The following DAPK1 variants were observed in gnomAD, a reference collection of about 807,000 sequenced individuals.
The protein encoded by DAPK1 is death associated protein kinase 1, also known as death-associated protein kinase 1.
A neutral mutation model predicts 144.9 loss-of-function variants in DAPK1; 56 were observed. The observed-to-expected ratio is 0.39, with a 90% CI of 0.31 to 0.48. The LOEUF (loss-of-function observed/expected upper bound fraction) is 0.48, where lower values mean the gene tolerates loss of function less well. Ranked by LOEUF, DAPK1 falls within the 20% of genes least tolerant of loss-of-function variation. DAPK1 has a pLI of 0.95. For missense variants in DAPK1, 1,454 were observed against 1,875.4 expected (o/e 0.78, Z 4.15); for synonymous variants, 690 against 749.0 (o/e 0.92, Z 1.29).
At chr9:87,589,940 C>T (rs1285954349) in intron 2 of DAPK1, among the ~76,000 whole-genome samples, 3 of 152,172 alleles carry the variant, frequency 2.0e-5, no homozygotes, top group East Asian at 1.9e-4. Context: ...TCACAGGCCT[C>T]GGTGACATCA....
At chr9:87,542,824 C>T (rs1433160663) in intron 2 of DAPK1, among the ~76,000 whole-genome samples, 1 of 152,222 alleles carries the variant, frequency 6.6e-6, no homozygotes, top group East Asian at 1.9e-4. Flanking sequence ...GAACCCCTCA[C>T]TGGGCCTTCA....
chr9:87,545,955 A>T (rs1011138959), intron 2 of DAPK1, among the ~76,000 whole-genome samples: 1 of 152,164 alleles, frequency 6.6e-6, no homozygotes, highest in Admixed American at 6.5e-5. Flanking sequence ...TTGCATCCTC[A>T]GAAAGTGTAA....
intron 20 of DAPK1, among the ~76,000 whole-genome samples, chr9:87,682,191 G>A (rs548246674): frequency 2.6e-5 from 4 of 152,280 alleles, no homozygotes; most frequent in Admixed American, 2.0e-4. Flanking sequence ...GGTTTTCAGG[G>A]ATGGTCTCTC....
At chr9:87,551,355 C>T (rs1826477705) in intron 2 of DAPK1, among the ~76,000 whole-genome samples, 1 of 152,150 alleles carries the variant, frequency 6.6e-6, no homozygotes, top group Non-Finnish European at 1.5e-5. Flanking sequence ...ACCATGTTGG[C>T]CAGGCTGGTC....
intron 3 of DAPK1, among the ~76,000 whole-genome samples, chr9:87,609,224 C>T (rs1316029106): frequency 6.6e-6 from 1 of 152,204 alleles, no homozygotes; most frequent in South Asian, 2.1e-4. Flanking sequence ...GCTGGAACTA[C>T]ACCAGCAGCT....
chr9:87,657,832 C>T, intron 17 of DAPK1, 197 bp from the exon 18 acceptor site: 1 of 586,794 alleles, frequency 1.7e-6, no homozygotes, highest in Non-Finnish European at 3.1e-6. Flanking sequence ...TGAAGCTCCT[C>T]TTTTAATTGC....
chr9:87,584,728 G>A (rs1827883665), intron 2 of DAPK1, among the ~76,000 whole-genome samples: 1 of 152,070 alleles, frequency 6.6e-6, no homozygotes, highest in African/African-American at 2.4e-5. Context: ...CCAGGCTGGA[G>A]TGCAGTGGCA....
chr9:87,631,686 AG>A (rs1267721329), intron 3 of DAPK1, among the ~76,000 whole-genome samples: 6 of 152,312 alleles, frequency 3.9e-5, no homozygotes, highest in Admixed American at 3.9e-4. Context: ...AAAAAGTGCA[AG>A]GTTTTTTTAT....
chr9:87,638,473 C>G (rs1254917093), intron 4 of DAPK1, among the ~76,000 whole-genome samples: 6 of 152,134 alleles, frequency 3.9e-5, no homozygotes, highest in Non-Finnish European at 7.4e-5. Context: ...ACTCTGTCAC[C>G]AATAATCAAG....
At chr9:87,629,294 G>A (rs36210040) in intron 3 of DAPK1, among the ~76,000 whole-genome samples, 16,608 of 152,110 alleles carry the variant, frequency 0.11, 1,623 homozygotes, top group African/African-American at 0.26. Context: ...GGGAATGCTC[G>A]TCTACAAGCC....
intron 2 of DAPK1, among the ~76,000 whole-genome samples, chr9:87,524,890 GA>G (rs1336486440): frequency 6.6e-6 from 1 of 152,152 alleles, no homozygotes; most frequent in South Asian, 2.1e-4. Flanking sequence ...GACTTAGAGG[GA>G]AAGGGTGGGA....
At chr9:87,604,577 A>G (rs541951975) in intron 2 of DAPK1, among the ~76,000 whole-genome samples, 5 of 152,168 alleles carry the variant, frequency 3.3e-5, no homozygotes, top group African/African-American at 1.2e-4. Context: ...CCTGGTCTCA[A>G]TCCCTCGTTT....
intron 3 of DAPK1, among the ~76,000 whole-genome samples, chr9:87,617,091 C>T (rs1032270180): frequency 6.6e-6 from 1 of 152,184 alleles, no homozygotes; most frequent in South Asian, 2.1e-4. Flanking sequence ...TTCCCGGTGT[C>T]CCCCTTCCCC....
intron 2 of DAPK1, among the ~76,000 whole-genome samples, chr9:87,567,743 C>G (rs990251968): frequency 6.6e-6 from 1 of 152,078 alleles, no homozygotes; most frequent in Non-Finnish European, 1.5e-5. Context: ...CTCAGATTGC[C>G]TCCGAATGAG....
chr9:87,530,329 C>T (rs978514144), intron 2 of DAPK1, among the ~76,000 whole-genome samples: 2 of 152,358 alleles, frequency 1.3e-5, no homozygotes, highest in South Asian at 4.1e-4. Flanking sequence ...GCCTAACCAA[C>T]ACAGGCTGTA....
rs988214479 is a variant in DAPK1, at chr9:87,681,562, G to A, written c.2160G>A (p.Arg720=). 1 of 1,612,790 alleles carries A rather than the reference G, an allele frequency of 6.2e-7. No individual in the cohort carries two copies. Among genetic ancestry groups the A allele is most frequent in the East Asian group, 2.2e-5 (1 of 44,866 alleles). The part of the protein sequence containing the change: ...GLLRSFFRRR[R]PRLSSTNSSR... ...TGAGGAGCTTTTTCAGAAGGCGTCG[G>A]CCCAGACTGTCTTCCACCAACTCCA... Residue 720 remains arginine (R), a synonymous_variant, in exon 20 of 26, where the codon CGG becomes CGA. Transcript: ENST00000408954.
intron 19 of DAPK1, among the ~76,000 whole-genome samples, chr9:87,676,486 A>G (rs1824388289): frequency 6.6e-6 from 1 of 152,212 alleles, no homozygotes; most frequent in African/African-American, 2.4e-5. Flanking sequence ...TAGATTCCCC[A>G]AGGTTCTTAG....
chr9:87,608,692 A>G (rs770620610), intron 3 of DAPK1, among the ~76,000 whole-genome samples: 7 of 152,304 alleles, frequency 4.6e-5, no homozygotes, highest in Non-Finnish European at 7.4e-5. Flanking sequence ...ACAGCTTTAC[A>G]TTGTTAACTG....
intron 10 of DAPK1, among the ~76,000 whole-genome samples, chr9:87,642,446 C>T (rs1830129209): frequency 6.6e-6 from 1 of 152,090 alleles, no homozygotes. Flanking sequence ...TCTCTCAGCC[C>T]AGCCTTTATC....
Sources: allele counts gnomAD v4.1 joint callset (sites outside exome capture counted in the v4.1 genomes callset), GRCh38; gene constraint gnomAD v4.1.1; transcripts MANE v1.5; gene names NCBI Gene and HGNC (gene_info 2026-07-23, HGNC 2026-07-21).